The following LIPE variants were observed in gnomAD, a reference collection of about 807,000 sequenced individuals.
LIPE encodes hormone-sensitive lipase.
In LIPE, 66 loss-of-function variants were observed where a neutral mutation model predicts 88.5. The observed-to-expected ratio is 0.75, with a 90% CI of 0.61 to 0.91. The LOEUF (loss-of-function observed/expected upper bound fraction) is 0.91, where lower values mean the gene tolerates loss of function less well. Ranked by LOEUF, LIPE falls within the 40% of genes least tolerant of loss-of-function variation. The pLI is 0.00. For synonymous variants in LIPE, 570 were observed against 617.5 expected (o/e 0.92, Z 1.14); for missense variants, 1,346 against 1,434.7 (o/e 0.94, Z 1.00).
intron 8 of LIPE, among the ~76,000 whole-genome samples, chr19:42,403,700 G>A (rs1040628696): frequency 1.2e-4 from 19 of 152,062 alleles, no homozygotes; most frequent in African/African-American, 4.6e-4. Flanking sequence ...TGATCCGCTC[G>A]CCTCGGCCTC....
intron 9 of LIPE, 22 bp from the exon 10 acceptor site, chr19:42,402,097 C>T: frequency 1.4e-6 from 2 of 1,452,134 alleles, no homozygotes; most frequent in Non-Finnish European, 1.8e-6. Context: ...CGGGGAGGGA[C>T]GTGGAGAGAG....
intron 1 of LIPE, chr19:42,412,127 C>T (rs1348748329): frequency 2.0e-5 from 6 of 305,112 alleles, no homozygotes; most frequent in Non-Finnish European, 2.9e-5. Flanking sequence ...TTCCAGTCCC[C>T]AGTGATCTTT....
In LIPE at chr19:42,408,473, T is replaced by C; in HGVS notation, c.1420-151A>G. The C allele has an allele frequency of 1.5e-6, 1 of 662,132 alleles. No homozygotes were observed. 41.0% of individuals were successfully genotyped at this position (662,132 alleles called of 1,614,324 possible). A position where few individuals can be genotyped will look rare whatever the true frequency, so the allele number is the denominator to read the frequency against. On this transcript the variant is annotated intron_variant, in intron 2 of 9. Coordinates refer to ENST00000244289, the MANE Select transcript of LIPE (RefSeq NM_005357.4). This position sits in a 1 kb window ranked among gnomAD's most constrained non-coding sequence, Gnocchi z 4.3. The stretch of plus-strand genomic sequence containing the variant: ...GTGCTGGGCATAGCTCTCGGCTGGT[T>C]CACGGACCTGATGTTCTCAAAGGGA...
chr19:42,412,372 A>C lies in LIPE; in HGVS notation c.884-1530T>G, dbSNP rs540247466. The C allele has an allele frequency of 3.0e-6, 3 of 985,704 alleles. No homozygotes were observed. In the African/African-American group the frequency reaches 5.2e-5, roughly 17 times the overall value. 61.1% of individuals were successfully genotyped at this position (985,704 alleles called of 1,614,324 possible). On this transcript the variant is annotated intron_variant, in intron 1 of 9. Coordinates refer to ENST00000244289, the MANE Select transcript of LIPE (RefSeq NM_005357.4). ...AGCTGGCTGGACACTCACCCCTCCT[A>C]GGCATCTTCCGAGCTTCCCTGGGCT... is the stretch of plus-strand genomic sequence containing the variant.
In LIPE at chr19:42,408,135, G is replaced by A. The variant is rs748260134; in HGVS notation, c.1511-14C>T. On this transcript the variant is annotated splice_polypyrimidine_tract_variant and intron_variant, in intron 3 of 9. Coordinates refer to ENST00000244289, the MANE Select transcript of LIPE (RefSeq NM_005357.4). The surrounding 1 kb of genome is among the most constrained non-coding windows in gnomAD (Gnocchi z 4.3). ...TGGCGGCCACACCTAGGGGTCAGAA[G>A]GGGTGTCAGGGAGCCCCAGTGGGTC... The A allele has an allele frequency of 1.2e-6, 2 of 1,613,972 alleles. No individual in the cohort carries two copies. Among genetic ancestry groups the A allele is most frequent in the Admixed American group, 3.3e-5 (2 of 60,020 alleles).
Position 42,401,760 on chromosome 19 carries a change from G to A in LIPE, c.*52C>T. 1 of 925,712 alleles carries A rather than the reference G, an allele frequency of 1.1e-6. No homozygotes were observed. The highest frequency in any genetic ancestry group is 1.3e-6 in the Non-Finnish European group (1 of 780,486). The allele number at this position is 925,712 out of a possible 1,614,324, so 57.3% of individuals were successfully genotyped here. On this transcript the variant is annotated 3_prime_UTR_variant, in exon 10 of 10. Transcript: ENST00000244289. ...GCACAGCCCGCGTCCCCTTCCGCCC[G>A]GCCCGGAAGGCATTCATGACGGAGG...
intron 1 of LIPE, among the ~76,000 whole-genome samples, chr19:42,425,488 A>T (rs1476348734): frequency 6.6e-6 from 1 of 151,690 alleles, no homozygotes; most frequent in African/African-American, 2.4e-5. Flanking sequence ...TTACTTCTTT[A>T]TTTTCTACCT....
intron 1 of LIPE, among the ~76,000 whole-genome samples, chr19:42,419,000 C>T (rs1313982901): frequency 1.3e-5 from 2 of 152,046 alleles, no homozygotes; most frequent in African/African-American, 2.4e-5. Flanking sequence ...GAGTGGGGGC[C>T]GGGCGCCGTG....
At position 42,407,622 on chromosome 19, in the gene LIPE, T is replaced by C; in HGVS notation, c.1826A>G (p.Asp609Gly). ...GAACCCTACCTGTCCTTCACGCAGG[T>C]CATAGGAGATGAGCCTGACGAGGAC... ...GPVLVRLISYDLREGQDSEEL... is the reference protein window; with the variant it reads ...GPVLVRLISYGLREGQDSEEL... The change falls in exon 5 of 10, where the codon GAC becomes GGC. Residue 609 changes from aspartate to glycine, a missense_variant. Transcript: ENST00000244289. This position sits in a 1 kb window ranked among gnomAD's most constrained non-coding sequence, Gnocchi z 5.8. 6.2e-7 allele frequency: 1 copy of C among 1,610,386 alleles called. No individual in the cohort carries two copies. Among genetic ancestry groups the C allele is most frequent in the South Asian group, 1.1e-5 (1 of 90,554 alleles).
At position 42,405,492 on chromosome 19, in the gene LIPE, T is replaced by C. The variant is rs992724039; in HGVS notation, c.2435A>G (p.Asp812Gly). 6.8e-6 allele frequency: 11 copies of C among 1,614,034 alleles called. No individual in the cohort carries two copies. Among genetic ancestry groups the C allele is most frequent in the Non-Finnish European group, 9.3e-6 (11 of 1,179,976 alleles). ...GAAGTCTCGGAGGAGCAGGGCTGTG[T>C]CCCGCCGCACCAGCCCCATCATGCC... is the stretch of plus-strand genomic sequence containing the variant. ...ALGMMGLVRR[D>G]TALLLRDFRL... The change falls in exon 8 of 10, where the codon GAC (aspartate) becomes GGC (glycine). Residue 812 changes from aspartate to glycine, a missense_variant. By Grantham distance (94) the Asp-to-Gly change is moderately conservative. Coordinates refer to ENST00000244289, the MANE Select transcript of LIPE (RefSeq NM_005357.4).
intron 1 of LIPE, chr19:42,412,336 T>C: frequency 5.1e-6 from 5 of 985,822 alleles, no homozygotes; most frequent in Non-Finnish European, 6.0e-6. Context: ...CAGCGGCCAT[T>C]CCCGTCTCTC....
rs751039496 is a variant in LIPE, at chr19:42,401,825, C to G, written c.3218G>C (p.Gly1073Ala). 2.0e-6 allele frequency: 3 copies of G among 1,487,484 alleles called. No individual in the cohort carries two copies. Among genetic ancestry groups the G allele is most frequent in the Non-Finnish European group, 2.7e-6 (3 of 1,121,316 alleles). 92.1% of individuals were successfully genotyped at this position (1,487,484 alleles called of 1,614,324 possible). A position where few individuals can be genotyped will look rare whatever the true frequency, so the allele number is the denominator to read the frequency against. Residue 1073 changes from glycine to alanine, a missense_variant, in exon 10 of 10, where the codon GGG becomes GCG. Transcript: ENST00000244289. ...TGAAGVDGGC[G>A]GRH ...AACAACAGGCTTTTAGTGTCGCCCC[C>G]CGCAGCCCCCGTCTACCCCCGCAGC... is the stretch of plus-strand genomic sequence containing the variant.
intron 1 of LIPE, chr19:42,423,617 T>G (rs949976515): frequency 2.5e-6 from 3 of 1,189,352 alleles, no homozygotes; most frequent in East Asian, 1.2e-4. Flanking sequence ...TACACACTAC[T>G]GTCGGGCCCC....
chr19:42,411,677 T>C (rs2040378807), intron 1 of LIPE, among the ~76,000 whole-genome samples: 2 of 152,208 alleles, frequency 1.3e-5, no homozygotes, highest in South Asian at 4.1e-4. Context: ...CCTGTTTCTC[T>C]GTGAGATCCC....
rs2040227628 is a variant in LIPE at position 42,407,566 on chromosome 19, T to G, written c.1842+40A>C. On this transcript the variant is annotated intron_variant, in intron 5 of 9. Transcript: ENST00000244289. The surrounding 1 kb of genome is among the most constrained non-coding windows in gnomAD (Gnocchi z 5.8). ...CCAAGGTGGGGGCTGCCCACGCTCC[T>G]CGGCTCTGTCCCTGTCCCTGGCTGA... is the stretch of plus-strand genomic sequence containing the variant. The G allele has an allele frequency of 6.3e-7, 1 of 1,582,034 alleles. No individual in the cohort carries two copies. The highest frequency in any genetic ancestry group is 1.2e-5 in the South Asian group (1 of 85,820).
chr19:42,424,432 C>G (rs1304301554), intron 1 of LIPE: 1 of 456,184 alleles, frequency 2.2e-6, no homozygotes, highest in African/African-American at 2.0e-5. Flanking sequence ...TCGCCCGCCG[C>G]GGTGGTGTGG....
chr19:42,417,144 T>C (rs2040504027), intron 1 of LIPE, among the ~76,000 whole-genome samples: 1 of 152,210 alleles, frequency 6.6e-6, no homozygotes, highest in Admixed American at 6.5e-5. Context: ...ATGGTCTCGA[T>C]CTCCTGACCT....
chr19:42,424,300 T>G (rs34010998), intron 1 of LIPE: 1 of 463,260 alleles, frequency 2.2e-6, no homozygotes. Flanking sequence ...GACGCATGCT[T>G]GAGAAATGGC....
Position 42,408,203 on chromosome 19 carries a change from G to A in LIPE, c.1510+29C>T. 1 of 1,613,676 alleles carries A rather than the reference G, an allele frequency of 6.2e-7. No individual in the cohort carries two copies. The highest frequency in any genetic ancestry group is 1.7e-5 in the Admixed American group (1 of 60,006). On this transcript the variant is annotated intron_variant, in intron 3 of 9. Transcript: ENST00000244289. The surrounding 1 kb of genome is among the most constrained non-coding windows in gnomAD (Gnocchi z 4.3). The stretch of plus-strand genomic sequence containing the variant: ...GTGGGGAGGAGGGCCAAGAGAGTAG[G>A]CTGCGAGTAGAACCTGGCTGGGACT...
Sources: allele counts gnomAD v4.1 joint callset (sites outside exome capture counted in the v4.1 genomes callset), GRCh38; gene constraint gnomAD v4.1.1; non-coding constraint Gnocchi (gnomAD v3.1); transcripts MANE v1.5; gene names NCBI Gene and HGNC (gene_info 2026-07-23, HGNC 2026-07-21).